SMIM10L3: variants seen among roughly 807,000 people sequenced by gnomAD.
SMIM10L3 encodes small integral membrane protein 10 like 3.
chr7:6,330,398 C>A, the SMIM10L3 span: 2 of 1,613,160 alleles, frequency 1.2e-6, no homozygotes, highest in Non-Finnish European at 1.7e-6. Flanking sequence ...AATGTATTTG[C>A]TAATTCAAAA....
the SMIM10L3 span, among the ~76,000 whole-genome samples, chr7:6,334,126 G>A: frequency 3.8e-4 from 57 of 151,494 alleles, no homozygotes; most frequent in East Asian, 3.0e-3. Flanking sequence ...GATTACAAGC[G>A]TGAGCCACCG....
the SMIM10L3 span, chr7:6,348,682 T>G: frequency 2.1e-6 from 1 of 486,570 alleles, no homozygotes. Context: ...AGTCAGCCCC[T>G]TGCAGAAGAC....
chr7:6,339,342 C>T, the SMIM10L3 span, among the ~76,000 whole-genome samples: 1 of 152,036 alleles, frequency 6.6e-6, no homozygotes, highest in Admixed American at 6.6e-5. Context: ...GGTGCACACA[C>T]CTGTGGTCCC....
chr7:6,332,927 A>G, the SMIM10L3 span, among the ~76,000 whole-genome samples: 34 of 152,118 alleles, frequency 2.2e-4, no homozygotes, highest in Non-Finnish European at 4.9e-4. Flanking sequence ...TTGGGAGGCC[A>G]AGGCGGACAA....
chr7:6,333,992 A>G, the SMIM10L3 span, among the ~76,000 whole-genome samples: 13,638 of 150,508 alleles, frequency 0.091, 1,188 homozygotes, highest in East Asian at 0.48. Context: ...GACTACAGGC[A>G]CCCGCCACCA....
chr7:6,341,327 C>T, the SMIM10L3 span, among the ~76,000 whole-genome samples: 2 of 151,042 alleles, frequency 1.3e-5, no homozygotes, highest in East Asian at 3.9e-4. Context: ...CCTGTAGTCC[C>T]AGCTACTCGG....
At chr7:6,332,599 G>A in the SMIM10L3 span, among the ~76,000 whole-genome samples, 1 of 152,090 alleles carries the variant, frequency 6.6e-6, no homozygotes, top group Non-Finnish European at 1.5e-5. Flanking sequence ...TCAGGAGGCT[G>A]ATGTGGGAGG....
the SMIM10L3 span, among the ~76,000 whole-genome samples, chr7:6,347,514 A>AG: frequency 2.9e-5 from 4 of 139,464 alleles, no homozygotes; most frequent in Admixed American, 2.1e-4. Context: ...ACTCTGTCTC[A>AG]GGGAAAAAAA....
chr7:6,346,953 G>C, the SMIM10L3 span, among the ~76,000 whole-genome samples: 1 of 152,154 alleles, frequency 6.6e-6, no homozygotes, highest in Non-Finnish European at 1.5e-5. Context: ...TATGCAAATG[G>C]AATGCAAGAG....
chr7:6,346,464 T>C, the SMIM10L3 span, among the ~76,000 whole-genome samples: 1 of 152,114 alleles, frequency 6.6e-6, no homozygotes, highest in Non-Finnish European at 1.5e-5. Flanking sequence ...CCTCCCAGGC[T>C]CAAGCGATCC....
chr7:6,339,204 A>C, the SMIM10L3 span, among the ~76,000 whole-genome samples: 1 of 152,112 alleles, frequency 6.6e-6, no homozygotes. Context: ...GTGGTGGCTC[A>C]CACCTGTAAT....
chr7:6,335,724 A>G, the SMIM10L3 span, among the ~76,000 whole-genome samples: 2 of 152,122 alleles, frequency 1.3e-5, no homozygotes, highest in Admixed American at 6.6e-5. Flanking sequence ...CCATTATTCT[A>G]TATAATTCAC....
chr7:6,335,646 T>C, the SMIM10L3 span, among the ~76,000 whole-genome samples: 20 of 152,200 alleles, frequency 1.3e-4, no homozygotes, highest in African/African-American at 3.1e-4. Flanking sequence ...GAGCAAAATA[T>C]ACACTTTATG....
chr7:6,332,797 G>T, the SMIM10L3 span, among the ~76,000 whole-genome samples: 22 of 152,290 alleles, frequency 1.4e-4, no homozygotes, highest in Non-Finnish European at 2.4e-4. Context: ...GTAGGAAACT[G>T]CTGTTTCTCT....
At chr7:6,330,486 T>C in the SMIM10L3 span, 3 of 1,614,178 alleles carry the variant, frequency 1.9e-6, no homozygotes, top group African/African-American at 2.7e-5. Flanking sequence ...ATTCTATTGT[T>C]TGCTTTGAAA....
chr7:6,342,963 G>A, the SMIM10L3 span, among the ~76,000 whole-genome samples: 68 of 152,020 alleles, frequency 4.5e-4, no homozygotes, highest in African/African-American at 1.6e-3. Context: ...CTTGAGTCCA[G>A]GAGCTGGAGG....
the SMIM10L3 span, among the ~76,000 whole-genome samples, chr7:6,335,213 C>A: frequency 6.8e-6 from 1 of 146,868 alleles, no homozygotes; most frequent in African/African-American, 2.5e-5. Context: ...CAGGAACCCA[C>A]CACCATGCCC....
the SMIM10L3 span, among the ~76,000 whole-genome samples, chr7:6,341,716 C>T: frequency 9.1e-4 from 136 of 149,832 alleles, no homozygotes; most frequent in Admixed American, 1.9e-3. Flanking sequence ...TATGAGTGCG[C>T]GCCAGGTGCA....
the SMIM10L3 span, among the ~76,000 whole-genome samples, chr7:6,347,922 A>ATTATTATTATT: frequency 4.5e-5 from 6 of 134,642 alleles, no homozygotes; most frequent in East Asian, 4.9e-4. Context: ...TATTATTATT[A>ATTATTATTATT]TTATTGAGAT....
Sources: gnomAD v4.1 joint callset for allele counts (sites outside exome capture counted in the v4.1 genomes callset) on GRCh38, gnomAD v4.1.1 for gene constraint, MANE v1.5 for transcripts, NCBI Gene and HGNC (gene_info 2026-07-23, HGNC 2026-07-21) for gene names.